KIAA1217: variants seen among roughly 807,000 people sequenced by gnomAD.
The protein encoded by KIAA1217 is KIAA1217.
Under a neutral mutation model 163.9 loss-of-function variants are expected in KIAA1217, and 88 were observed. That is an observed-to-expected ratio of 0.54 (90% confidence interval 0.45 to 0.64). The LOEUF is 0.64. KIAA1217 is among the 30% of genes least tolerant of loss of function. The pLI is 0.00. For missense variants in KIAA1217, 2,372 were observed against 2,475.0 expected, an observed-to-expected ratio of 0.96 and a Z score of 0.88; for synonymous variants, 903 against 923.1, an observed-to-expected ratio of 0.98 and a Z score of 0.39.
intron 1 of KIAA1217, among the ~76,000 whole-genome samples, chr10:23,896,013 G>A: frequency 8.6e-6 from 1 of 116,324 alleles, no homozygotes. Flanking sequence ...GAGGGGGGAG[G>A]GATAGCTTTA....
chr10:24,437,482 G>A (rs1264677890), intron 4 of KIAA1217, among the ~76,000 whole-genome samples: 2 of 152,224 alleles, frequency 1.3e-5, no homozygotes, highest in Non-Finnish European at 2.9e-5. Flanking sequence ...TGGAAGAGAG[G>A]AATTCTTCCT....
chr10:24,120,410 C>G (rs2063236572), intron 2 of KIAA1217, among the ~76,000 whole-genome samples: 1 of 152,192 alleles, frequency 6.6e-6, no homozygotes, highest in Non-Finnish European at 1.5e-5. Flanking sequence ...TCTTGCCATA[C>G]AGAACAGTGG....
At chr10:24,243,777 C>T (rs551926911) in intron 2 of KIAA1217, among the ~76,000 whole-genome samples, 1 of 151,438 alleles carries the variant, frequency 6.6e-6, no homozygotes, top group East Asian at 1.9e-4. Flanking sequence ...ATACAATATT[C>T]ATATATATGA....
At chr10:23,775,786 A>C (rs760753503) in intron 1 of KIAA1217, among the ~76,000 whole-genome samples, 27 of 152,170 alleles carry the variant, frequency 1.8e-4, no homozygotes, top group Middle Eastern at 3.2e-3. Flanking sequence ...AAAATGGGAC[A>C]AATCTGGATT....
At position 24,449,038 on chromosome 10, in the gene KIAA1217, A is replaced by G. The variant is rs146406712; in HGVS notation, c.846+10559A>G. ...TGGAACTCATTTATGAGTGATATAC[A>G]TAATGATATCTTTTTTATATTGTGC... On this transcript the variant is annotated intron_variant, in intron 5 of 20. Transcript: ENST00000376454. 2.5e-4 allele frequency among the ~76,000 whole-genome samples: 38 copies of G among 152,334 alleles called. No individual in the cohort carries two copies. The East Asian group carries it at 5.0e-3, about 20-fold the overall frequency.
chr10:24,491,359 T>C (rs1195398988), intron 6 of KIAA1217, among the ~76,000 whole-genome samples: 12 of 146,708 alleles, frequency 8.2e-5, no homozygotes, highest in Non-Finnish European at 1.5e-4. Context: ...GTGCAATCTC[T>C]GCTCACTGCA....
At chr10:24,329,415 C>A (rs2045372949) in intron 2 of KIAA1217, among the ~76,000 whole-genome samples, 1 of 151,770 alleles carries the variant, frequency 6.6e-6, no homozygotes, top group African/African-American at 2.4e-5. Flanking sequence ...AAAATCTTTT[C>A]TAGAGTAAAA....
At chr10:24,240,210 A>C (rs988407429) in intron 2 of KIAA1217, among the ~76,000 whole-genome samples, 12 of 152,192 alleles carry the variant, frequency 7.9e-5, no homozygotes, top group Non-Finnish European at 1.5e-4. Context: ...CAGAGGCATC[A>C]GTTGCCCTGT....
chr10:23,836,616 T>A (rs553719454), intron 1 of KIAA1217, among the ~76,000 whole-genome samples: 4 of 151,622 alleles, frequency 2.6e-5, no homozygotes, highest in Non-Finnish European at 5.9e-5. Flanking sequence ...TTTTAGTGTA[T>A]CCATCATTAG....
At chr10:24,104,756 A>G (rs533665082) in intron 2 of KIAA1217, among the ~76,000 whole-genome samples, 2 of 152,338 alleles carry the variant, frequency 1.3e-5, no homozygotes, top group South Asian at 2.1e-4. Flanking sequence ...ACATGTAGGG[A>G]CAAAAAGTAG....
At chr10:24,095,342 G>C (rs1047893507) in intron 2 of KIAA1217, among the ~76,000 whole-genome samples, 9 of 152,276 alleles carry the variant, frequency 5.9e-5, no homozygotes, top group African/African-American at 2.2e-4. Context: ...CATGCTGGGA[G>C]CCGTAGACCG....
At chr10:24,460,918 A>G (rs2062336439) in intron 5 of KIAA1217, among the ~76,000 whole-genome samples, 2 of 152,176 alleles carry the variant, frequency 1.3e-5, no homozygotes, top group African/African-American at 4.8e-5. Context: ...CCTACTAGGG[A>G]GCAATTGGTA....
intron 2 of KIAA1217, among the ~76,000 whole-genome samples, chr10:24,192,432 T>C (rs1473086750): frequency 6.6e-6 from 1 of 152,168 alleles, no homozygotes; most frequent in Admixed American, 6.5e-5. Context: ...GTTTTCTCAA[T>C]GTCAAGGTAT....
rs959969661 is a variant in KIAA1217 at position 23,857,128 on chromosome 10, G to C, written c.-320-150097G>C. Among the ~76,000 whole-genome samples the C allele has an allele frequency of 7.2e-5, 11 of 152,342 alleles. No individual in the cohort carries two copies. In the East Asian group the frequency reaches 1.9e-3, roughly 27 times the overall value. ...CGCTCAGGCTGGGAGCTGTAGACTG[G>C]AGCTGTTCCTATTCGGCCATCTTGG... On this transcript the variant is annotated intron_variant, in intron 1 of 18. Coordinates refer to the KIAA1217 transcript ENST00000376462.
intron 3 of KIAA1217, among the ~76,000 whole-genome samples, chr10:24,421,616 T>C (rs2058738976): frequency 6.6e-6 from 1 of 152,228 alleles, no homozygotes; most frequent in Admixed American, 6.5e-5. Flanking sequence ...CTGATACTTG[T>C]TTGAGGTTTT....
At chr10:23,779,145 C>T (rs74921053) in intron 1 of KIAA1217, among the ~76,000 whole-genome samples, 7,894 of 152,138 alleles carry the variant, frequency 0.052, 643 homozygotes, top group African/African-American at 0.17. Flanking sequence ...ATCTATAACT[C>T]TTGTCTTTTC....
intron 1 of KIAA1217, among the ~76,000 whole-genome samples, chr10:23,917,676 T>C (rs930712859): frequency 6.6e-6 from 1 of 151,938 alleles, no homozygotes; most frequent in African/African-American, 2.4e-5. Flanking sequence ...AGCCAGAGAG[T>C]TCCAGGAAGG....
At chr10:24,064,513 C>A (rs1403353028) in intron 2 of KIAA1217, among the ~76,000 whole-genome samples, 1 of 152,136 alleles carries the variant, frequency 6.6e-6, no homozygotes, top group Non-Finnish European at 1.5e-5. Flanking sequence ...GGTGGATAAG[C>A]TTTTTGATGT....
chr10:24,440,927 C>T (rs2060449175), intron 5 of KIAA1217, among the ~76,000 whole-genome samples: 1 of 152,206 alleles, frequency 6.6e-6, no homozygotes. Flanking sequence ...TTCAGCTGCC[C>T]TCACCTTTTG....
Sources: allele counts gnomAD v4.1 joint callset (sites outside exome capture counted in the v4.1 genomes callset), GRCh38; gene constraint gnomAD v4.1.1; transcripts MANE v1.5; gene names NCBI Gene and HGNC (gene_info 2026-07-23, HGNC 2026-07-21).